Variants in AADAT observed in about 807,000 individuals in gnomAD.
AADAT encodes the protein kynurenine/alpha-aminoadipate aminotransferase, mitochondrial.
A neutral mutation model predicts 56.2 loss-of-function variants in AADAT; 25 were observed. That is an observed-to-expected ratio of 0.44 (90% confidence interval 0.32 to 0.62). The LOEUF is 0.62. Ranked by LOEUF, AADAT falls within the 20% of genes least tolerant of loss-of-function variation. The pLI is 0.04. For missense variants in AADAT, 387 were observed against 510.5 expected (o/e 0.76, Z 2.33); for synonymous variants, 173 against 164.7 (o/e 1.05, Z -0.39).
upstream of AADAT, among the ~76,000 whole-genome samples, chr4:170,092,140 A>C (rs1191670430): frequency 1.3e-5 from 2 of 152,230 alleles, no homozygotes; most frequent in African/African-American, 4.8e-5. Context: ...TAAGAGAATA[A>C]AAGCAGGCTG....
At chr4:170,073,078 T>G (rs916150258) in intron 5 of AADAT, 58 bp downstream of exon 5, 25 of 1,540,794 alleles carry the variant, frequency 1.6e-5, no homozygotes, top group Non-Finnish European at 2.2e-5. Flanking sequence ...ATAGTGCTCT[T>G]CTAAAAAGTC....
chr4:170,061,695 T>G (rs1731198150), intron 12 of AADAT, among the ~76,000 whole-genome samples, 197 bp downstream of exon 12: 1 of 152,198 alleles, frequency 6.6e-6, no homozygotes, highest in Admixed American at 6.5e-5. Flanking sequence ...TTAACTCCAA[T>G]TTAGTCTCAT....
chr4:170,069,345 T>C, intron 6 of AADAT, 115 bp from the exon 7 acceptor site: 2 of 705,960 alleles, frequency 2.8e-6, no homozygotes, highest in Non-Finnish European at 2.3e-6. Flanking sequence ...AGTACAAATA[T>C]TCTCTTACCT....
At position 170,088,684 on chromosome 4, in the gene AADAT, C is replaced by G. The variant is rs181948263; in HGVS notation, c.68-120G>C. The G allele has an allele frequency of 2.9e-4, 299 of 1,042,312 alleles. 1 individual carries two copies. The African/African-American group carries it at 4.6e-3, about 16-fold the overall frequency. 64.6% of individuals were successfully genotyped at this position (1,042,312 alleles called of 1,614,324 possible). On this transcript the variant is annotated intron_variant, in intron 1 of 12. Transcript: ENST00000337664. ...TAACGATTTCTAGTGATAGAGTGTG[C>G]TATGGTCTAAATGTTGGTGCTCCCC...
In AADAT at chr4:170,066,443, AT is replaced by A; in HGVS notation, c.997del (p.Ile333TyrfsTer9). 6.2e-7 allele frequency: 1 copy of A among 1,613,882 alleles called. No individual in the cohort carries two copies. The highest frequency in any genetic ancestry group is 8.5e-7 in the Non-Finnish European group (1 of 1,179,884). ...IDFYSNQKDA[I>X]LAAADKWLTG... ...TAACCACTTGTCTGCAGCTGCCAGT[AT>A]TGCATCCTTCTGGTTACTATAGAAA... On this transcript the variant is annotated frameshift_variant, in exon 10 of 13. Transcript: ENST00000337664. LOFTEE classifies it high-confidence loss of function.
At chr4:170,085,006 A>G (rs1251182892) in intron 3 of AADAT, among the ~76,000 whole-genome samples, 2 of 152,228 alleles carry the variant, frequency 1.3e-5, no homozygotes, top group African/African-American at 4.8e-5. Context: ...CAGCCTAAGC[A>G]ACATGAAGAT....
chr4:170,067,496 T>C (rs1731528111), intron 8 of AADAT, 108 bp from the exon 9 acceptor site: 5 of 766,760 alleles, frequency 6.5e-6, no homozygotes, highest in Non-Finnish European at 8.8e-6. Context: ...CAATAAGATA[T>C]AACAAGCTGA....
chr4:170,091,414 C>T (rs937015634), upstream of AADAT, among the ~76,000 whole-genome samples: 2 of 152,218 alleles, frequency 1.3e-5, no homozygotes, highest in African/African-American at 2.4e-5. Flanking sequence ...CCAGCAATGC[C>T]GGCTCACCGG....
intron 4 of AADAT, among the ~76,000 whole-genome samples, chr4:170,076,602 A>G (rs1732046752): frequency 6.6e-6 from 1 of 152,042 alleles, no homozygotes; most frequent in African/African-American, 2.4e-5. Flanking sequence ...GGAGTTCTTT[A>G]TATGTTCTGG....
intron 4 of AADAT, among the ~76,000 whole-genome samples, chr4:170,075,647 A>C (rs1159997695): frequency 3.9e-5 from 6 of 152,202 alleles, no homozygotes; most frequent in Admixed American, 6.5e-5. Context: ...CAGTGGCATT[A>C]ATTACATTCA....
chr4:170,086,206 A>C (rs928715672), intron 3 of AADAT, among the ~76,000 whole-genome samples: 3 of 151,532 alleles, frequency 2.0e-5, no homozygotes, highest in Non-Finnish European at 4.4e-5. Flanking sequence ...TGATTGCGCC[A>C]CCGCACTCCA....
intron 4 of AADAT, among the ~76,000 whole-genome samples, chr4:170,076,201 C>A (rs1732025637): frequency 1.3e-5 from 2 of 152,158 alleles, no homozygotes; most frequent in Non-Finnish European, 2.9e-5. Flanking sequence ...TTTACATTTC[C>A]TTCCACCAGC....
chr4:170,063,284 G>A (rs1561010005), intron 11 of AADAT, among the ~76,000 whole-genome samples: 1 of 152,122 alleles, frequency 6.6e-6, no homozygotes, highest in Non-Finnish European at 1.5e-5. Flanking sequence ...CTGACAAAGT[G>A]GGGATAAAGC....
chr4:170,093,030 ATTGTAAC>A (rs1320378777), upstream of AADAT, among the ~76,000 whole-genome samples: 1 of 89,612 alleles, frequency 1.1e-5, no homozygotes, highest in East Asian at 3.1e-4. Flanking sequence ...ATCAAGGTAA[ATTGTAAC>A]TTGTAACTAG....
intron 4 of AADAT, among the ~76,000 whole-genome samples, chr4:170,076,139 A>G (rs1332240421): frequency 6.6e-6 from 1 of 152,212 alleles, no homozygotes. Context: ...CATGGTAATT[A>G]TATTTTAATT....
upstream of AADAT, among the ~76,000 whole-genome samples, chr4:170,091,186 G>C (rs766897813): frequency 2.0e-5 from 3 of 152,234 alleles, no homozygotes; most frequent in Non-Finnish European, 4.4e-5. Flanking sequence ...TCCTGGGATA[G>C]CGGAGGCCGG....
At position 170,089,847 on chromosome 4, in the gene AADAT, G is replaced by C; in HGVS notation, c.-157C>G. The C allele has an allele frequency of 2.8e-6, 2 of 704,146 alleles. No individual in the cohort carries two copies. Among genetic ancestry groups the C allele is most frequent in the Non-Finnish European group, 4.8e-6 (2 of 413,192 alleles). 43.6% of individuals were successfully genotyped at this position (704,146 alleles called of 1,614,324 possible). A position where few individuals can be genotyped will look rare whatever the true frequency, so the allele number is the denominator to read the frequency against. On this transcript the variant is annotated 5_prime_UTR_variant, in exon 1 of 13. Transcript: ENST00000337664. Reference sequence around the variant, plus strand: ...GTCTGGCTTCCCGCGCGCGGTGCCCGGAGAACGCCGCCGAAACTCCCCGGC... The same window carrying C: ...GTCTGGCTTCCCGCGCGCGGTGCCCCGAGAACGCCGCCGAAACTCCCCGGC...
intron 3 of AADAT, among the ~76,000 whole-genome samples, chr4:170,086,740 G>T (rs1054754012): frequency 6.6e-6 from 1 of 152,146 alleles, no homozygotes; most frequent in Admixed American, 6.5e-5. Context: ...CTGGGTAATT[G>T]ACCACATGCT....
intron 4 of AADAT, among the ~76,000 whole-genome samples, chr4:170,077,606 T>G (rs1490161269): frequency 2.0e-5 from 3 of 152,210 alleles, no homozygotes. Context: ...TAGAATTACT[T>G]TAGCCATATT....
Sources: allele counts gnomAD v4.1 joint callset (sites outside exome capture counted in the v4.1 genomes callset), GRCh38; gene constraint gnomAD v4.1.1; transcripts MANE v1.5; gene names NCBI Gene and HGNC (gene_info 2026-07-23, HGNC 2026-07-21).